Variants in TEAD4 observed in about 807,000 individuals in gnomAD.
TEAD4 encodes TEA domain transcription factor 4, also known as transcriptional enhancer factor TEF-3.
TEAD4 carries 36 observed loss-of-function variants against 52.4 expected under a neutral mutation model. That is an observed-to-expected ratio of 0.69 (90% CI 0.53 to 0.91). The LOEUF (loss-of-function observed/expected upper bound fraction) is 0.91, where lower values mean the gene tolerates loss of function less well. Ranked by LOEUF, TEAD4 falls within the 40% of genes least tolerant of loss-of-function variation. The pLI is 0.00. For synonymous variants in TEAD4, 220 were observed against 231.0 expected, an observed-to-expected ratio of 0.95 and a Z score of 0.43; for missense variants, 508 against 583.9, an observed-to-expected ratio of 0.87 and a Z score of 1.34.
intron 3 of TEAD4, among the ~76,000 whole-genome samples, chr12:2,999,583 A>T (rs1398462093): frequency 6.6e-6 from 1 of 152,086 alleles, no homozygotes; most frequent in Non-Finnish European, 1.5e-5. Flanking sequence ...CCTCCCCTTG[A>T]GCACCTCTTA....
At position 2,994,606 on chromosome 12, in the gene TEAD4, C is replaced by A. The variant is rs2098245699; in HGVS notation, c.-29-132C>A. 8.0e-7 allele frequency: 1 copy of A among 1,252,742 alleles called. No homozygotes were observed. Among genetic ancestry groups the A allele is most frequent in the African/African-American group, 1.5e-5 (1 of 66,122 alleles). The allele number at this position is 1,252,742 out of a possible 1,614,324, so 77.6% of individuals were successfully genotyped here. ...TGTTCAAGACCCCAGGCCTGATTCT[C>A]ACAGATCTTTCACTTCACGCTTTGC... On this transcript the variant is annotated intron_variant, in intron 2 of 12. Transcript: ENST00000359864. The surrounding 1 kb of genome is among the most constrained non-coding windows in gnomAD (Gnocchi z 4.7).
chr12:3,021,750 T>C (rs1399911923), intron 9 of TEAD4, 94 bp from the exon 10 acceptor site: 64 of 1,381,436 alleles, frequency 4.6e-5, no homozygotes, highest in Non-Finnish European at 6.3e-5. Context: ...CCAAGCGGCT[T>C]GCACCAGGTC....
chr12:2,989,202 A>G (rs1215189872), intron 2 of TEAD4, among the ~76,000 whole-genome samples: 1 of 152,132 alleles, frequency 6.6e-6, no homozygotes, highest in African/African-American at 2.4e-5. Flanking sequence ...TCGGCCTCCC[A>G]AAGTGCTGAG....
At chr12:3,020,517 C>A in intron 8 of TEAD4, 117 bp from the exon 9 acceptor site, 4 of 1,273,220 alleles carry the variant, frequency 3.1e-6, no homozygotes, top group Non-Finnish European at 4.1e-6. Context: ...TTTAGGGAGA[C>A]AGGCGGTCCC....
intron 2 of TEAD4, among the ~76,000 whole-genome samples, chr12:2,981,921 C>T (rs2098234347): frequency 6.6e-6 from 1 of 152,098 alleles, no homozygotes; most frequent in Admixed American, 6.5e-5. Flanking sequence ...CCCAGTGACC[C>T]CCAAAATCAG....
chr12:3,033,036 G>A (rs1024541092), intron 10 of TEAD4, among the ~76,000 whole-genome samples: 1 of 152,210 alleles, frequency 6.6e-6, no homozygotes, highest in African/African-American at 2.4e-5. Flanking sequence ...GCTCAGGCAA[G>A]GAAACGGTGT....
In TEAD4 at chr12:2,964,737, G is replaced by A. The variant is rs1448318373; in HGVS notation, c.-30+4697G>A. Reference sequence around the variant, plus strand: ...TCCACCCGCCTCGGCCTCCCAGAGTGCTGGGATTACAGGCGTGAACCACCG... The same window carrying A: ...TCCACCCGCCTCGGCCTCCCAGAGTACTGGGATTACAGGCGTGAACCACCG... On this transcript the variant is annotated intron_variant, in intron 2 of 12. Transcript: ENST00000359864. Among the ~76,000 whole-genome samples the A allele has an allele frequency of 2.6e-5, 4 of 151,870 alleles. No individual in the cohort carries two copies. The South Asian group carries it at 8.3e-4, about 31-fold the overall frequency.
chr12:3,000,430 C>T (rs1011758230), intron 3 of TEAD4, among the ~76,000 whole-genome samples: 2 of 152,252 alleles, frequency 1.3e-5, no homozygotes, highest in East Asian at 1.9e-4. Context: ...GCAGGCATCC[C>T]GTGGCGAAGG....
Position 3,020,775 on chromosome 12 carries a change from T to G in TEAD4, c.723+2T>G. The G allele has an allele frequency of 6.2e-7, 1 of 1,601,808 alleles. No homozygotes were observed. The highest frequency in any genetic ancestry group is 8.5e-7 in the Non-Finnish European group (1 of 1,173,692). ...GAGCAGCAGCAGGACCCGGACACGG[T>G]AGGTCCTGGCCTCTGCCTGTCCAGC... is the stretch of plus-strand genomic sequence containing the variant. On this transcript the variant is annotated splice_donor_variant, in intron 9 of 12. Coordinates refer to ENST00000359864, the MANE Select transcript of TEAD4 (RefSeq NM_003213.4). LOFTEE classifies it high-confidence loss of function.
At chr12:3,030,130 C>G (rs1221432386) in intron 10 of TEAD4, among the ~76,000 whole-genome samples, 1 of 152,158 alleles carries the variant, frequency 6.6e-6, no homozygotes, top group Non-Finnish European at 1.5e-5. Context: ...ACCTGTTGCC[C>G]TCCTGTTTAA....
chr12:2,972,914 ATG>A (rs2098226450), intron 2 of TEAD4, among the ~76,000 whole-genome samples: 1 of 152,158 alleles, frequency 6.6e-6, no homozygotes. Flanking sequence ...AATGCACAGA[ATG>A]TGTTTTCACC....
At chr12:2,963,524 G>C (rs1173226076) in intron 2 of TEAD4, among the ~76,000 whole-genome samples, 2 of 152,226 alleles carry the variant, frequency 1.3e-5, no homozygotes, top group African/African-American at 4.8e-5. Flanking sequence ...GGGTGAGGGG[G>C]CTGTCAGCAG....
At chr12:3,014,815 C>T (rs1387592309) in intron 5 of TEAD4, among the ~76,000 whole-genome samples, 21 of 152,216 alleles carry the variant, frequency 1.4e-4, no homozygotes, top group Admixed American at 2.0e-4. Context: ...GTTTCCTGAG[C>T]CCCAGCCGTT....
chr12:3,004,996 A>G (rs1426034553), intron 3 of TEAD4, among the ~76,000 whole-genome samples: 1 of 152,216 alleles, frequency 6.6e-6, no homozygotes, highest in Admixed American at 6.5e-5. Context: ...ACGAGGCTGG[A>G]GGGTCTGAGA....
chr12:3,015,943 A>G (rs564374219), intron 5 of TEAD4, among the ~76,000 whole-genome samples: 1 of 152,254 alleles, frequency 6.6e-6, no homozygotes, highest in South Asian at 2.1e-4. Context: ...TGGGAGGTCG[A>G]GGCAGGAGGA....
intron 2 of TEAD4, among the ~76,000 whole-genome samples, chr12:2,993,777 C>T (rs2098245035): frequency 6.6e-6 from 1 of 152,210 alleles, no homozygotes; most frequent in Non-Finnish European, 1.5e-5. Flanking sequence ...TGTGCCTGGC[C>T]TAATGTGACT....
At chr12:3,039,023 A>G (rs544110867) in intron 11 of TEAD4, among the ~76,000 whole-genome samples, 4 of 152,266 alleles carry the variant, frequency 2.6e-5, no homozygotes, top group African/African-American at 9.6e-5. Flanking sequence ...GGTCTGAATT[A>G]ATGAAGTCCT....
At chr12:2,975,209 T>C (rs1241716623) in intron 2 of TEAD4, among the ~76,000 whole-genome samples, 1 of 151,032 alleles carries the variant, frequency 6.6e-6, no homozygotes, top group Non-Finnish European at 1.5e-5. Flanking sequence ...TTTTGAGTAG[T>C]TTGGGGTTTA....
intron 2 of TEAD4, among the ~76,000 whole-genome samples, chr12:2,972,014 T>C (rs554778451): frequency 7.9e-4 from 120 of 151,790 alleles, no homozygotes; most frequent in African/African-American, 2.6e-3. Context: ...GGTTTTGCCA[T>C]GTTGGTCAGG....
Sources: allele counts gnomAD v4.1 joint callset (sites outside exome capture counted in the v4.1 genomes callset), GRCh38; gene constraint gnomAD v4.1.1; non-coding constraint Gnocchi (gnomAD v3.1); transcripts MANE v1.5; gene names NCBI Gene and HGNC (gene_info 2026-07-23, HGNC 2026-07-21).